SORCS2: variants seen among roughly 807,000 people sequenced by gnomAD.
SORCS2 encodes VPS10 domain-containing receptor SorCS2.
SORCS2 carries 100 observed loss-of-function variants against 141.6 expected under a neutral mutation model. The ratio of observed to expected loss-of-function variants is 0.71; its 90% confidence interval spans 0.60 to 0.83. The LOEUF (loss-of-function observed/expected upper bound fraction) is 0.83. Ranked by LOEUF, SORCS2 falls within the 40% of genes least tolerant of loss-of-function variation. The probability of loss-of-function intolerance (pLI) is 0.00; values close to 1 mark genes in which losing one functional copy is unlikely to be tolerated. For missense variants in SORCS2, 1,646 were observed against 1,560.2 expected, an observed-to-expected ratio of 1.05 and a Z score of -0.93; for synonymous variants, 789 against 676.9, an observed-to-expected ratio of 1.17 and a Z score of -2.57.
At chr4:7,400,355 C>G (rs960192847) in intron 2 of SORCS2, among the ~76,000 whole-genome samples, 3 of 152,188 alleles carry the variant, frequency 2.0e-5, no homozygotes, top group African/African-American at 7.2e-5. Context: ...CCCCATAAAC[C>G]TCTTTTCTTC....
intron 1 of SORCS2, among the ~76,000 whole-genome samples, chr4:7,367,446 G>A (rs1721964028): frequency 2.0e-5 from 3 of 152,244 alleles, no homozygotes. Context: ...CCTCTGTAAA[G>A]TGGGAATGTG....
At chr4:7,225,394 C>T (rs1444386250) in intron 1 of SORCS2, among the ~76,000 whole-genome samples, 15 of 152,208 alleles carry the variant, frequency 9.9e-5, no homozygotes, top group Admixed American at 8.5e-4. Context: ...CTGTTGAATG[C>T]AAAGGAGCAC....
chr4:7,408,569 C>T (rs533715058), intron 2 of SORCS2, among the ~76,000 whole-genome samples: 1 of 152,134 alleles, frequency 6.6e-6, no homozygotes, highest in Non-Finnish European at 1.5e-5. Context: ...TTATTATATG[C>T]CTTGGGGGTA....
intron 1 of SORCS2, among the ~76,000 whole-genome samples, chr4:7,366,670 C>T (rs1325316719): frequency 6.6e-6 from 1 of 152,108 alleles, no homozygotes. Context: ...GTCACCACTT[C>T]TGGGAGACCT....
chr4:7,578,584 G>A (rs1434843194), intron 3 of SORCS2, among the ~76,000 whole-genome samples: 5 of 152,172 alleles, frequency 3.3e-5, no homozygotes, highest in South Asian at 2.1e-4. Context: ...TCAAGGGAAC[G>A]TTTACTTCTT....
In SORCS2 at chr4:7,367,193, C is replaced by T. The variant is rs377190634; in HGVS notation, c.481-29095C>T. Among the ~76,000 whole-genome samples the T allele has an allele frequency of 1.0e-3, 154 of 152,282 alleles. 2 individuals are homozygous for T. The South Asian group carries it at 0.026, about 25-fold the overall frequency. On this transcript the variant is annotated intron_variant, in intron 1 of 26. Coordinates refer to ENST00000507866, the MANE Select transcript of SORCS2 (RefSeq NM_020777.3). The stretch of plus-strand genomic sequence containing the variant: ...TCTGTGGCAAGGGAGGTGGTAGTCT[C>T]GTACTTGGCAATGACTTGGCCATCC...
intron 1 of SORCS2, among the ~76,000 whole-genome samples, chr4:7,257,825 C>T (rs1412227720): frequency 6.6e-6 from 1 of 152,224 alleles, no homozygotes; most frequent in East Asian, 1.9e-4. Context: ...GCCTCCCTGG[C>T]CCTGGCCTCC....
At chr4:7,634,163 C>T (rs1720076897) in intron 3 of SORCS2, among the ~76,000 whole-genome samples, 1 of 151,716 alleles carries the variant, frequency 6.6e-6, no homozygotes, top group Non-Finnish European at 1.5e-5. Flanking sequence ...CACCTGAGGT[C>T]AGGAGTTTGA....
rs12642285 is a variant in SORCS2, at chr4:7,742,319, G to A, written c.*2055G>A. On this transcript the variant is annotated 3_prime_UTR_variant, in exon 27 of 27. Coordinates refer to ENST00000507866, the MANE Select transcript of SORCS2 (RefSeq NM_020777.3). The stretch of plus-strand genomic sequence containing the variant: ...CGCCTGCAAGCGTCAGGCACACAGG[G>A]ACAGACATGGCGAGCACAGTGCAGG... 0.27 allele frequency: 41,242 copies of A among 152,210 alleles called. 6,197 individuals carry two copies. Among genetic ancestry groups the A allele is most frequent in the South Asian group, 0.34 (1,649 of 4,824 alleles). 9.4% of individuals were successfully genotyped at this position (152,210 alleles called of 1,614,324 possible).
intron 2 of SORCS2, among the ~76,000 whole-genome samples, chr4:7,515,414 G>A (rs1324248858): frequency 6.6e-6 from 1 of 152,306 alleles, no homozygotes; most frequent in East Asian, 1.9e-4. Flanking sequence ...ACTGGAGCAG[G>A]TCTGCGAGCT....
chr4:7,687,030 A>G (rs1169163452), intron 10 of SORCS2, among the ~76,000 whole-genome samples: 45 of 152,276 alleles, frequency 3.0e-4, no homozygotes, highest in Non-Finnish European at 7.3e-5. Context: ...AGGGTTTGTG[A>G]AGCAGCACCC....
chr4:7,349,912 C>A (rs1014103527), intron 1 of SORCS2, among the ~76,000 whole-genome samples: 5 of 152,204 alleles, frequency 3.3e-5, no homozygotes, highest in Non-Finnish European at 5.9e-5. Context: ...GTGTTCCGAG[C>A]AGACGCTGAT....
intron 9 of SORCS2, among the ~76,000 whole-genome samples, chr4:7,676,530 G>A (rs971825804): frequency 2.0e-5 from 3 of 152,140 alleles, no homozygotes; most frequent in Admixed American, 6.5e-5. Context: ...TTACTGACTT[G>A]GGTTCAGCCT....
intron 1 of SORCS2, among the ~76,000 whole-genome samples, chr4:7,270,723 C>T (rs1346470264): frequency 2.6e-5 from 4 of 152,188 alleles, no homozygotes; most frequent in East Asian, 1.9e-4. Context: ...ATACAGATTT[C>T]GTTTTCTTTT....
At chr4:7,703,415 G>A in intron 13 of SORCS2, 44 bp downstream of exon 13, 1 of 1,533,986 alleles carries the variant, frequency 6.5e-7, no homozygotes, top group Non-Finnish European at 8.9e-7. Flanking sequence ...GCAGGCTGGG[G>A]CTCTTTCTTT....
At chr4:7,268,730 G>C (rs1714914085) in intron 1 of SORCS2, among the ~76,000 whole-genome samples, 1 of 152,198 alleles carries the variant, frequency 6.6e-6, no homozygotes, top group African/African-American at 2.4e-5. Flanking sequence ...AGGGAGTGGA[G>C]GAGGAGCAGG....
chr4:7,712,535 C>A (rs1725890073), intron 14 of SORCS2, among the ~76,000 whole-genome samples, 198 bp from the exon 15 acceptor site: 1 of 152,174 alleles, frequency 6.6e-6, no homozygotes, highest in Non-Finnish European at 1.5e-5. Context: ...ATATTCACGC[C>A]GAAGCCTACA....
intron 26 of SORCS2, among the ~76,000 whole-genome samples, chr4:7,738,706 C>T (rs546799137): frequency 5.9e-5 from 9 of 152,272 alleles, no homozygotes; most frequent in South Asian, 2.1e-4. Context: ...AGAACGTGAG[C>T]GGCGGAAACC....
intron 14 of SORCS2, among the ~76,000 whole-genome samples, chr4:7,706,379 T>TGAGGCTGGGCTCCAC (rs1725458127): frequency 8.0e-6 from 1 of 124,244 alleles, no homozygotes; most frequent in African/African-American, 3.4e-5. Context: ...CTGGGCTCTG[T>TGAGGCTGGGCTCCAC]CTGGGCAGGG....
Sources: gnomAD v4.1 joint callset for allele counts (sites outside exome capture counted in the v4.1 genomes callset) on GRCh38, gnomAD v4.1.1 for gene constraint, MANE v1.5 for transcripts, NCBI Gene and HGNC (gene_info 2026-07-23, HGNC 2026-07-21) for gene names.